Variants in ATRNL1 observed in about 807,000 individuals in gnomAD.
ATRNL1 encodes the protein attractin like 1.
A neutral mutation model predicts 182.7 loss-of-function variants in ATRNL1; 95 were observed. That is an observed-to-expected ratio of 0.52 (90% CI 0.44 to 0.62). The LOEUF (loss-of-function observed/expected upper bound fraction) is 0.62. Ranked by LOEUF, ATRNL1 falls within the 20% of genes least tolerant of loss-of-function variation. ATRNL1 has a pLI of 0.00. For missense variants in ATRNL1, 1,471 were observed against 1,679.5 expected (o/e 0.88, Z 2.17); for synonymous variants, 576 against 568.3 (o/e 1.01, Z -0.19).
At chr10:115,523,036 A>G (rs1851027499) in intron 25 of ATRNL1, among the ~76,000 whole-genome samples, 1 of 152,116 alleles carries the variant, frequency 6.6e-6, no homozygotes, top group South Asian at 2.1e-4. Context: ...CCTCACTAGC[A>G]TCTGTCTGCA....
intron 24 of ATRNL1, among the ~76,000 whole-genome samples, chr10:115,496,636 G>A (rs1309527421): frequency 1.3e-5 from 2 of 152,102 alleles, no homozygotes; most frequent in African/African-American, 4.8e-5. Flanking sequence ...TGGACGTTTA[G>A]CACTATAAAC....
At chr10:115,852,160 G>A (rs549546149) in intron 28 of ATRNL1, among the ~76,000 whole-genome samples, 1 of 152,228 alleles carries the variant, frequency 6.6e-6, no homozygotes, top group South Asian at 2.1e-4. Flanking sequence ...ATCCACTGCT[G>A]AAAAGAAGCT....
At chr10:115,842,081 G>C (rs925554336) in intron 27 of ATRNL1, among the ~76,000 whole-genome samples, 27 of 151,890 alleles carry the variant, frequency 1.8e-4, no homozygotes, top group African/African-American at 6.5e-4. Flanking sequence ...GTAGGGAAAT[G>C]TTAGAGTGAT....
rs149441274 is a variant in ATRNL1 at position 115,372,224 on chromosome 10, C to T, written c.3176-22435C>T. On this transcript the variant is annotated intron_variant, in intron 19 of 28. Transcript: ENST00000355044. ...AAAAATCAGGTTACTTGTTTTCTTG[C>T]TATTGAGTTGTTTGAGTTCCTTTTA... Among the ~76,000 whole-genome samples, 460 of 152,288 alleles carry T rather than the reference C, an allele frequency of 3.0e-3. 10 individuals carry two copies. The East Asian group carries it at 0.069, about 23-fold the overall frequency.
chr10:115,638,421 A>T (rs2133850384), intron 26 of ATRNL1, among the ~76,000 whole-genome samples: 1 of 152,304 alleles, frequency 6.6e-6, no homozygotes, highest in South Asian at 2.1e-4. Flanking sequence ...ATGTATAGTA[A>T]GCTTGAACCT....
chr10:115,630,382 A>C (rs1257067195), intron 26 of ATRNL1, among the ~76,000 whole-genome samples: 1 of 152,092 alleles, frequency 6.6e-6, no homozygotes, highest in East Asian at 1.9e-4. Flanking sequence ...GATGATGTGA[A>C]GAAAAGGGAA....
At chr10:115,632,128 T>G (rs1302884563) in intron 26 of ATRNL1, among the ~76,000 whole-genome samples, 1 of 152,134 alleles carries the variant, frequency 6.6e-6, no homozygotes, top group Non-Finnish European at 1.5e-5. Context: ...GAATTAATTC[T>G]GGAAAACAAT....
chr10:115,208,869 C>T (rs1428342438), intron 8 of ATRNL1, among the ~76,000 whole-genome samples: 2 of 151,870 alleles, frequency 1.3e-5, no homozygotes, highest in African/African-American at 2.4e-5. Flanking sequence ...TTCTAGGGTA[C>T]GTGATTTCTT....
chr10:115,884,738 A>G (rs1951903120), intron 28 of ATRNL1, among the ~76,000 whole-genome samples: 1 of 152,236 alleles, frequency 6.6e-6, no homozygotes, highest in South Asian at 2.1e-4. Context: ...GCTACGCATC[A>G]CATGTACAGG....
intron 28 of ATRNL1, among the ~76,000 whole-genome samples, chr10:115,928,393 G>C (rs1270085612): frequency 1.3e-5 from 2 of 151,998 alleles, no homozygotes; most frequent in Non-Finnish European, 2.9e-5. Context: ...TTCAAACACA[G>C]ATTTTAATAA....
intron 26 of ATRNL1, among the ~76,000 whole-genome samples, chr10:115,631,011 TA>T (rs1379932039): frequency 6.6e-6 from 1 of 150,604 alleles, no homozygotes; most frequent in Non-Finnish European, 1.5e-5. Flanking sequence ...ATGTGGAAAG[TA>T]AAAAGGCCTA....
intron 5 of ATRNL1, among the ~76,000 whole-genome samples, chr10:115,136,270 G>A (rs1169036140): frequency 6.6e-6 from 1 of 151,856 alleles, no homozygotes; most frequent in African/African-American, 2.4e-5. Flanking sequence ...CTGCTTCTAT[G>A]ACAGTAAAAT....
At chr10:115,174,722 A>G (rs1301432302) in intron 8 of ATRNL1, among the ~76,000 whole-genome samples, 2 of 151,978 alleles carry the variant, frequency 1.3e-5, no homozygotes, top group Admixed American at 1.3e-4. Context: ...TTCAATAAAA[A>G]TTTATTTACA....
intron 1 of ATRNL1, among the ~76,000 whole-genome samples, chr10:115,100,502 G>C (rs190885929): frequency 6.6e-6 from 1 of 152,160 alleles, no homozygotes; most frequent in Admixed American, 6.5e-5. Flanking sequence ...AGCACTATTT[G>C]TTGAGAAGAG....
At chr10:115,328,799 C>A (rs1042590318) in intron 18 of ATRNL1, among the ~76,000 whole-genome samples, 13 of 151,816 alleles carry the variant, frequency 8.6e-5, no homozygotes, top group African/African-American at 2.4e-4. Flanking sequence ...AAAAATATTT[C>A]ATTGTGTGCA....
chr10:115,115,814 A>T (rs1844459566), intron 1 of ATRNL1, among the ~76,000 whole-genome samples: 1 of 152,102 alleles, frequency 6.6e-6, no homozygotes, highest in Non-Finnish European at 1.5e-5. Context: ...ATATATCCAT[A>T]GTCAAATTAT....
chr10:115,584,071 T>C (rs1349813675), intron 26 of ATRNL1, among the ~76,000 whole-genome samples: 208 of 152,184 alleles, frequency 1.4e-3, no homozygotes, highest in African/African-American at 4.6e-3. Flanking sequence ...TTGCGTGTAT[T>C]CAACCAGCCT....
At chr10:115,569,322 T>G (rs1213527310) in intron 26 of ATRNL1, among the ~76,000 whole-genome samples, 1 of 152,222 alleles carries the variant, frequency 6.6e-6, no homozygotes, top group African/African-American at 2.4e-5. Context: ...GTTATGAACT[T>G]TGTACATTGT....
At chr10:115,867,886 G>A (rs1951476352) in intron 28 of ATRNL1, among the ~76,000 whole-genome samples, 1 of 151,994 alleles carries the variant, frequency 6.6e-6, no homozygotes. Context: ...ACAGGCATGT[G>A]CCACCACTCC....
Sources: gnomAD v4.1 joint callset for allele counts (sites outside exome capture counted in the v4.1 genomes callset) on GRCh38, gnomAD v4.1.1 for gene constraint, MANE v1.5 for transcripts, NCBI Gene and HGNC (gene_info 2026-07-23, HGNC 2026-07-21) for gene names.